Variants in ZNF169 observed in about 807,000 individuals in gnomAD.
ZNF169 encodes zinc finger protein 169.
Under a neutral mutation model 12.0 loss-of-function variants are expected in ZNF169, and 11 were observed. The observed-to-expected ratio is 0.92, with a 90% confidence interval of 0.58 to 1.52. ZNF169 has a LOEUF of 1.52. Among genes scored for constraint, ZNF169 ranks in the 40% most tolerant of loss-of-function variants. The pLI is 0.00. For missense variants in ZNF169, 722 were observed against 744.0 expected (o/e 0.97, Z 0.34); for synonymous variants, 302 against 286.5 (o/e 1.05, Z -0.55).
intron 2 of ZNF169, chr9:94,288,179 G>A (rs759366593): frequency 2.7e-5 from 22 of 813,270 alleles, no homozygotes; most frequent in Admixed American, 5.2e-5. Flanking sequence ...CTCAGCCCAG[G>A]TTAATGTGCT....
chr9:94,282,429 C>G (rs909118648), intron 2 of ZNF169, among the ~76,000 whole-genome samples: 1 of 152,140 alleles, frequency 6.6e-6, no homozygotes, highest in Non-Finnish European at 1.5e-5. Flanking sequence ...TCTGGAAAGG[C>G]GGAACAACTT....
chr9:94,281,567 T>C (rs1830631867), intron 2 of ZNF169, among the ~76,000 whole-genome samples: 1 of 152,206 alleles, frequency 6.6e-6, no homozygotes, highest in South Asian at 2.1e-4. Flanking sequence ...AGTTTTATTC[T>C]GAGCCAAATA....
At chr9:94,290,840 C>T (rs1830814209) in intron 2 of ZNF169, among the ~76,000 whole-genome samples, 1 of 152,040 alleles carries the variant, frequency 6.6e-6, no homozygotes, top group African/African-American at 2.4e-5. Context: ...GAGGAACTGC[C>T]AAACTGTTTT....
intron 1 of ZNF169, among the ~76,000 whole-genome samples, chr9:94,269,386 G>A: frequency 6.6e-6 from 1 of 152,100 alleles, no homozygotes; most frequent in East Asian, 1.9e-4. Context: ...CTCACCCTTG[G>A]AGCCCATCCA....
intron 4 of ZNF169, 31 bp downstream of exon 4, chr9:94,293,100 G>A: frequency 6.3e-7 from 1 of 1,582,848 alleles, no homozygotes; most frequent in Non-Finnish European, 8.7e-7. Context: ...AAGCGAGGGT[G>A]CAGGGCAGTG....
chr9:94,274,129 G>GT (rs1830479612), intron 1 of ZNF169, among the ~76,000 whole-genome samples: 1 of 152,106 alleles, frequency 6.6e-6, no homozygotes, highest in South Asian at 2.1e-4. Context: ...AAGTTTTTAT[G>GT]TCCAAATTTT....
rs773810705 is a variant in ZNF169 at position 94,300,321 on chromosome 9, A to G, written c.763A>G (p.Thr255Ala). 2 of 1,614,022 alleles carry G rather than the reference A, an allele frequency of 1.2e-6. No individual in the cohort carries two copies. The highest frequency in any genetic ancestry group is 1.7e-6 in the Non-Finnish European group (2 of 1,179,982). ...QRSDLIKHQR[T>A]HTGEKPYLCP... Reference sequence around the variant, plus strand: ...ATCAGACCTTATCAAGCACCAGAGGACACACACCGGGGAGAAGCCATACCT... The same window carrying G: ...ATCAGACCTTATCAAGCACCAGAGGGCACACACCGGGGAGAAGCCATACCT... Residue 255 changes from threonine to alanine, a missense_variant, in exon 5 of 5, where the codon ACA becomes GCA. Coordinates refer to ENST00000395395, the MANE Select transcript of ZNF169 (RefSeq NM_194320.4).
At chr9:94,278,689 G>A in intron 1 of ZNF169, 69 bp from the exon 2 acceptor site, 1 of 838,304 alleles carries the variant, frequency 1.2e-6, no homozygotes, top group Admixed American at 2.4e-5. Context: ...CTACTGAATT[G>A]GGAGGCTGGA....
At chr9:94,294,641 T>C (rs1830916411) in intron 4 of ZNF169, 1 of 152,190 alleles carries the variant, frequency 6.6e-6, no homozygotes, top group Admixed American at 6.5e-5. Flanking sequence ...ATCCATCTAT[T>C]CAGCTGGAAG....
At position 94,292,999 on chromosome 9, in the gene ZNF169, C is replaced by T; in HGVS notation, c.186C>T (p.Leu62=). The change falls in exon 4 of 5, where the codon CTC becomes CTT. Residue 62 remains leucine (L), a synonymous_variant. Transcript: ENST00000395395. ...SLGIAFSKPK[L]IEQLEQGDEP... ...GAATTGCATTTTCCAAACCAAAACT[C>T]ATCGAACAGCTGGAGCAAGGCGACG... 6.2e-7 allele frequency: 1 copy of T among 1,613,118 alleles called. No homozygotes were observed. The highest frequency in any genetic ancestry group is 8.5e-7 in the Non-Finnish European group (1 of 1,179,552).
At chr9:94,285,243 A>C (rs1180845561) in intron 2 of ZNF169, among the ~76,000 whole-genome samples, 2 of 152,224 alleles carry the variant, frequency 1.3e-5, no homozygotes, top group Non-Finnish European at 2.9e-5. Context: ...AGGAAATAAA[A>C]GGTTTTAAGA....
At chr9:94,268,738 A>T (rs1453103268) in intron 1 of ZNF169, among the ~76,000 whole-genome samples, 1 of 147,852 alleles carries the variant, frequency 6.8e-6, no homozygotes, top group African/African-American at 2.5e-5. Context: ...ATGAGCCGAG[A>T]TCACACCACC....
At chr9:94,268,041 G>GTT (rs71366220) in intron 1 of ZNF169, among the ~76,000 whole-genome samples, 3 of 150,542 alleles carry the variant, frequency 2.0e-5, no homozygotes, top group Admixed American at 6.6e-5. Flanking sequence ...AATTTTTTTT[G>GTT]TTTTTTTTAG....
intron 1 of ZNF169, among the ~76,000 whole-genome samples, chr9:94,265,838 C>T (rs1428351695): frequency 1.3e-5 from 2 of 152,046 alleles, no homozygotes; most frequent in Non-Finnish European, 2.9e-5. Context: ...CCTCAGTAAA[C>T]TTGTTTGTGG....
chr9:94,293,514 T>G (rs1383549110), intron 4 of ZNF169: 9 of 286,472 alleles, frequency 3.1e-5, no homozygotes, highest in Non-Finnish European at 6.0e-5. Flanking sequence ...CCTCCTGTGT[T>G]CAAGTGATTT....
At chr9:94,286,996 G>A (rs1830729930) in intron 2 of ZNF169, among the ~76,000 whole-genome samples, 2 of 152,158 alleles carry the variant, frequency 1.3e-5, no homozygotes, top group South Asian at 4.1e-4. Flanking sequence ...ACACAATCAA[G>A]CAATGAGCCT....
At chr9:94,280,736 G>A (rs930865805) in intron 2 of ZNF169, among the ~76,000 whole-genome samples, 61 of 152,224 alleles carry the variant, frequency 4.0e-4, no homozygotes, top group African/African-American at 1.3e-3. Context: ...GGGTTGGACC[G>A]CACAGTCTAA....
At chr9:94,263,543 G>A (rs1830241022) in intron 1 of ZNF169, among the ~76,000 whole-genome samples, 1 of 147,728 alleles carries the variant, frequency 6.8e-6, no homozygotes, top group South Asian at 2.1e-4. Flanking sequence ...AATCTATTCT[G>A]ATAATCTGTG....
intron 4 of ZNF169, among the ~76,000 whole-genome samples, chr9:94,296,599 A>C (rs1830955358): frequency 6.6e-6 from 1 of 152,188 alleles, no homozygotes; most frequent in Admixed American, 6.5e-5. Context: ...CAATTTTTCC[A>C]GCACCATTTA....
Sources: allele counts gnomAD v4.1 joint callset (sites outside exome capture counted in the v4.1 genomes callset), GRCh38; gene constraint gnomAD v4.1.1; transcripts MANE v1.5; gene names NCBI Gene and HGNC (gene_info 2026-07-23, HGNC 2026-07-21).